Variants in SDK1 observed in about 807,000 individuals in gnomAD.
SDK1 encodes the protein sidekick cell adhesion molecule 1.
Under a neutral mutation model 245.5 loss-of-function variants are expected in SDK1, and 157 were observed. That is an observed-to-expected ratio of 0.64 (90% CI 0.56 to 0.73). The LOEUF (loss-of-function observed/expected upper bound fraction) is 0.73, where lower values mean the gene tolerates loss of function less well. SDK1 is among the 30% of genes least tolerant of loss of function. The pLI, the probability that SDK1 is intolerant of heterozygous loss-of-function variation, is 0.00. For missense variants in SDK1, 3,583 were observed against 3,002.3 expected (o/e 1.19, Z -4.52); for synonymous variants, 1,647 against 1,278.5 (o/e 1.29, Z -6.15).
chr7:4,123,186 G>C (rs1784178474), intron 25 of SDK1, among the ~76,000 whole-genome samples: 2 of 152,216 alleles, frequency 1.3e-5, no homozygotes, highest in Admixed American at 1.3e-4. Context: ...TACAGAAGTA[G>C]ACCATTTGTG....
At chr7:3,421,033 A>G (rs187910360) in intron 1 of SDK1, among the ~76,000 whole-genome samples, 1 of 152,106 alleles carries the variant, frequency 6.6e-6, no homozygotes, top group Non-Finnish European at 1.5e-5. Flanking sequence ...CTTTGTTGAG[A>G]AAGAGTAAAT....
intron 1 of SDK1, among the ~76,000 whole-genome samples, chr7:3,309,208 C>T (rs1779491249): frequency 6.6e-6 from 1 of 151,980 alleles, no homozygotes; most frequent in Admixed American, 6.6e-5. Context: ...TGTCTTCTCT[C>T]TAGGTGTTAG....
Position 4,118,623 on chromosome 7 carries a change from A to C in SDK1, c.3823+4349A>C, listed in dbSNP as rs576858153. Among the ~76,000 whole-genome samples, 5 of 123,834 alleles carry C rather than the reference A, an allele frequency of 4.0e-5. No homozygotes were observed. The East Asian group carries it at 9.7e-4, about 24-fold the overall frequency. The allele number at this position is 123,834 out of a possible 152,430, so 81.2% of individuals were successfully genotyped here. ...AACATATGTCTACACAAAATCTTGC[A>C]CATAAATGTTCATAGCAGCTTTATC... On this transcript the variant is annotated intron_variant, in intron 25 of 44. Coordinates refer to ENST00000404826, the MANE Select transcript of SDK1 (RefSeq NM_152744.4).
intron 1 of SDK1, among the ~76,000 whole-genome samples, chr7:3,555,828 C>T (rs193239413): frequency 1.3e-5 from 2 of 152,236 alleles, no homozygotes; most frequent in African/African-American, 4.8e-5. Flanking sequence ...CGTCATTGAT[C>T]ATCAGAGAAA....
chr7:4,081,647 T>G (rs1267184842), intron 22 of SDK1, among the ~76,000 whole-genome samples: 1 of 152,096 alleles, frequency 6.6e-6, no homozygotes, highest in Admixed American at 6.5e-5. Context: ...CTGGATCTCC[T>G]GACCTCGTGA....
At position 4,149,387 on chromosome 7, in the gene SDK1, C is replaced by G. The variant is rs750309117; in HGVS notation, c.4549C>G (p.Arg1517Gly). The G allele has an allele frequency of 7.6e-6, 12 of 1,586,672 alleles. No individual in the cohort carries two copies. Among genetic ancestry groups the G allele is most frequent in the Non-Finnish European group, 1.0e-5 (12 of 1,167,498 alleles). Residue 1517 changes from arginine to glycine, a missense_variant, in exon 30 of 45, where the codon CGA (arginine) becomes GGA (glycine). Coordinates refer to ENST00000404826, the MANE Select transcript of SDK1 (RefSeq NM_152744.4). ...CATCCGGTACTTCACCATGCAGGTG[C>G]GAGAGCTGCCTCGGGGTGAGTGGCA... ...SPIRYFTMQV[R>G]ELPRGEWQTY...
chr7:3,906,128 C>G (rs1778908084), intron 5 of SDK1, among the ~76,000 whole-genome samples: 1 of 152,136 alleles, frequency 6.6e-6, no homozygotes, highest in African/African-American at 2.4e-5. Flanking sequence ...TTCTCTTTAG[C>G]TTTGTCTTAC....
intron 4 of SDK1, among the ~76,000 whole-genome samples, chr7:3,811,417 C>T (rs1009056465): frequency 3.9e-5 from 6 of 152,204 alleles, no homozygotes; most frequent in Admixed American, 2.0e-4. Context: ...GAGGTGTCTT[C>T]TCTGCAGACC....
chr7:4,231,923 A>G (rs898536031), intron 40 of SDK1, among the ~76,000 whole-genome samples: 1 of 152,060 alleles, frequency 6.6e-6, no homozygotes, highest in Non-Finnish European at 1.5e-5. Context: ...ACATATCCAA[A>G]TGGGTTTTCC....
At chr7:3,586,628 C>T (rs1241969430) in intron 1 of SDK1, among the ~76,000 whole-genome samples, 1 of 151,222 alleles carries the variant, frequency 6.6e-6, no homozygotes, top group African/African-American at 2.4e-5. Flanking sequence ...TGGCATGAAC[C>T]CGGGAGGTGG....
At chr7:3,338,359 G>A in intron 1 of SDK1, 1 of 513,492 alleles carries the variant, frequency 1.9e-6, no homozygotes, top group African/African-American at 1.9e-5. Context: ...AACAAACAAG[G>A]TCAGGGCACG....
intron 1 of SDK1, among the ~76,000 whole-genome samples, chr7:3,616,486 T>C (rs936036213): frequency 1.4e-4 from 21 of 152,190 alleles, no homozygotes; most frequent in African/African-American, 5.1e-4. Flanking sequence ...CCATGTTTGC[T>C]CCCACCAGAG....
At chr7:3,613,149 A>G (rs767595925) in intron 1 of SDK1, among the ~76,000 whole-genome samples, 19 of 152,256 alleles carry the variant, frequency 1.2e-4, no homozygotes, top group Non-Finnish European at 2.5e-4. Context: ...GATACGACTT[A>G]ATTTTAGCTG....
chr7:3,373,212 A>G (rs1373111421), intron 1 of SDK1, among the ~76,000 whole-genome samples: 1 of 152,206 alleles, frequency 6.6e-6, no homozygotes, highest in East Asian at 1.9e-4. Context: ...TGCTCAGAGC[A>G]CTTACATTAG....
At chr7:4,117,184 A>G (rs1783768624) in intron 25 of SDK1, among the ~76,000 whole-genome samples, 1 of 152,218 alleles carries the variant, frequency 6.6e-6, no homozygotes, top group African/African-American at 2.4e-5. Flanking sequence ...TCTTAAATGT[A>G]TTGGCCAGGC....
At chr7:4,221,442 T>A in intron 40 of SDK1, 78 bp downstream of exon 40, 1 of 1,479,860 alleles carries the variant, frequency 6.8e-7, no homozygotes, top group Non-Finnish European at 9.0e-7. Flanking sequence ...GGGGCTTCCA[T>A]CACTTTCTCT....
intron 4 of SDK1, among the ~76,000 whole-genome samples, chr7:3,739,147 A>G (rs1779404741): frequency 6.6e-6 from 1 of 152,082 alleles, no homozygotes; most frequent in Non-Finnish European, 1.5e-5. Context: ...ATAGTTTCTG[A>G]TGAGAAGTCA....
chr7:4,192,601 G>A (rs1783275305), intron 35 of SDK1, among the ~76,000 whole-genome samples: 2 of 152,164 alleles, frequency 1.3e-5, no homozygotes, highest in South Asian at 2.1e-4. Flanking sequence ...ATTGAAGTAT[G>A]TTCCGTGTTT....
intron 1 of SDK1, among the ~76,000 whole-genome samples, chr7:3,580,406 C>CGT (rs1271244623): frequency 6.6e-6 from 1 of 152,146 alleles, no homozygotes; most frequent in Non-Finnish European, 1.5e-5. Context: ...TGCAGGGCTA[C>CGT]AGTAACCAGA....
Sources: gnomAD v4.1 joint callset for allele counts (sites outside exome capture counted in the v4.1 genomes callset) on GRCh38, gnomAD v4.1.1 for gene constraint, MANE v1.5 for transcripts, NCBI Gene and HGNC (gene_info 2026-07-23, HGNC 2026-07-21) for gene names.